FBXO16: variants seen among roughly 807,000 people sequenced by gnomAD.
The protein encoded by FBXO16 is F-box protein 16, also known as F-box only protein 16.
In FBXO16, 31 loss-of-function variants were observed where a neutral mutation model predicts 41.0. The ratio of observed to expected loss-of-function variants is 0.76; its 90% CI spans 0.57 to 1.02. FBXO16 has a LOEUF of 1.02. Among genes scored for constraint, FBXO16 ranks in the 50% least tolerant of loss-of-function variants. FBXO16 has a pLI of 0.00. For synonymous variants in FBXO16, 133 were observed against 117.8 expected (o/e 1.13, Z -0.84); for missense variants, 361 against 346.2 (o/e 1.04, Z -0.34).
chr8:28,435,576 C>A (rs939038545), intron 7 of FBXO16, among the ~76,000 whole-genome samples: 7 of 152,114 alleles, frequency 4.6e-5, no homozygotes, highest in Admixed American at 1.3e-4. Context: ...GTTTCTCTCT[C>A]CCCACGTGGC....
rs544119800 is a variant in FBXO16, at chr8:28,433,448, C to T, written c.844-4045G>A. 2.0e-5 allele frequency among the ~76,000 whole-genome samples: 3 copies of T among 152,302 alleles called. No homozygotes were observed. The East Asian group carries it at 5.8e-4, about 29-fold the overall frequency. On this transcript the variant is annotated intron_variant, in intron 7 of 8. Coordinates refer to ENST00000380254, the MANE Select transcript of FBXO16 (RefSeq NM_172366.4). The stretch of plus-strand genomic sequence containing the variant: ...TTCAGCCCTCTTCTGAACTCGTATA[C>T]TTGTGGTCCCATAGGTACCTCCAAC...
In FBXO16 at chr8:28,463,712, AT is replaced by A. The variant is rs771558711; in HGVS notation, c.241del (p.Ile81PhefsTer51). 1 of 1,614,186 alleles carries A rather than the reference AT, an allele frequency of 6.2e-7. No homozygotes were observed. The highest frequency in any genetic ancestry group is 1.1e-5 in the South Asian group (1 of 91,086). On this transcript the variant is annotated frameshift_variant, in exon 4 of 9. Transcript: ENST00000380254. LOFTEE classifies it high-confidence loss of function. ...TGTAAAGTCCAGGGCTTCTGCTGGA[AT>A]TTTCTCTTGAAGCTTTCGACAGCAG... is the stretch of plus-strand genomic sequence containing the variant. Reference protein sequence around the residue: ...KFCCRKLQEKIPAEALDFTTK... With the variant: ...KFCCRKLQEKXPAEALDFTTK...
At chr8:28,486,598 A>G (rs1413580581) in intron 1 of FBXO16, among the ~76,000 whole-genome samples, 1 of 151,902 alleles carries the variant, frequency 6.6e-6, no homozygotes, top group Non-Finnish European at 1.5e-5. Flanking sequence ...AAGCAGAAAG[A>G]CTGCTTGAGC....
At chr8:28,430,174 G>C (rs1802586048) in intron 7 of FBXO16, among the ~76,000 whole-genome samples, 1 of 152,182 alleles carries the variant, frequency 6.6e-6, no homozygotes, top group Non-Finnish European at 1.5e-5. Context: ...CTGGGTTCAA[G>C]CAATCCTCCC....
At chr8:28,484,695 C>T in intron 1 of FBXO16, among the ~76,000 whole-genome samples, 1 of 151,898 alleles carries the variant, frequency 6.6e-6, no homozygotes, top group East Asian at 1.9e-4. Flanking sequence ...GGGTTCACAC[C>T]ATTCTCCTGC....
Position 28,452,273 on chromosome 8 carries a change from G to T in FBXO16, c.711C>A (p.Asn237Lys). The T allele has an allele frequency of 1.9e-6, 3 of 1,614,186 alleles. No individual in the cohort carries two copies. The highest frequency in any genetic ancestry group is 2.5e-6 in the Non-Finnish European group (3 of 1,180,046). Residue 237 changes from asparagine to lysine, a missense_variant, in exon 6 of 9, where the codon AAC (asparagine) becomes AAA (lysine). By Grantham distance (94) the Asn-to-Lys change is moderately conservative. Transcript: ENST00000380254. ...TDIIRFNYLDNRDPMETVQQG... is the reference protein window; with the variant it reads ...TDIIRFNYLDKRDPMETVQQG... Reference sequence around the variant, plus strand: ...GCTGGACAGTCTCCATGGGGTCACGGTTGTCTAGGTAATTAAAACGAATGA... The same window carrying T: ...GCTGGACAGTCTCCATGGGGTCACGTTTGTCTAGGTAATTAAAACGAATGA...
At chr8:28,463,489 T>C (rs1040026769) in intron 4 of FBXO16, 123 bp downstream of exon 4, 1 of 905,368 alleles carries the variant, frequency 1.1e-6, no homozygotes, top group African/African-American at 1.7e-5. Context: ...TGTGTGTGTT[T>C]GTGTGTATGT....
chr8:28,466,281 C>T (rs894321951), intron 3 of FBXO16, among the ~76,000 whole-genome samples: 6 of 152,242 alleles, frequency 3.9e-5, no homozygotes, highest in Admixed American at 1.3e-4. Context: ...AGTAGAAATA[C>T]TTCCTAAATA....
Position 28,468,306 on chromosome 8 carries a change from A to G in FBXO16, c.136-4488T>C, listed in dbSNP as rs544505817. On this transcript the variant is annotated intron_variant, in intron 3 of 8. Transcript: ENST00000380254. ...ATATAACTATGCACATCCTATTTTT[A>G]GAGTAGTTGTTACAAGGATTCTTGC... 2.1e-4 allele frequency among the ~76,000 whole-genome samples: 32 copies of G among 152,254 alleles called. 1 individual carries two copies. The highest frequency in any genetic ancestry group is 7.5e-4 in the African/African-American group (31 of 41,544).
chr8:28,428,579 G>A lies in FBXO16; in HGVS notation c.*148C>T. On this transcript the variant is annotated 3_prime_UTR_variant, in exon 9 of 9. Coordinates refer to ENST00000380254, the MANE Select transcript of FBXO16 (RefSeq NM_172366.4). ...TCCATGTTCAGTCCACTTTGGCTCT[G>A]GAACCTGGATGAGTCATGCTTGGGG... 6.4e-7 allele frequency: 1 copy of A among 1,550,766 alleles called. No homozygotes were observed. The highest frequency in any genetic ancestry group is 8.7e-7 in the Non-Finnish European group (1 of 1,146,952).
At chr8:28,443,787 C>T (rs1802817714) in intron 7 of FBXO16, among the ~76,000 whole-genome samples, 1 of 152,130 alleles carries the variant, frequency 6.6e-6, no homozygotes, top group Non-Finnish European at 1.5e-5. Flanking sequence ...CCAAAACCCA[C>T]CAAAACCAAG....
In FBXO16 at chr8:28,483,374, G is replaced by A. The variant is rs759914645; in HGVS notation, c.73C>T (p.Leu25=). ...MQTKMSTWTP[L]NHQLLNDRVF... Reference sequence around the variant, plus strand: ...CGGTCATTCAATAGCTGATGGTTTAGGGGTGTCCAGGTGCTCATCTTTGTC... The same window carrying A: ...CGGTCATTCAATAGCTGATGGTTTAAGGGTGTCCAGGTGCTCATCTTTGTC... Residue 25 remains leucine, a synonymous_variant, in exon 2 of 9, where the codon CTA becomes TTA. Coordinates refer to ENST00000380254, the MANE Select transcript of FBXO16 (RefSeq NM_172366.4). 13 of 1,614,052 alleles carry A rather than the reference G, an allele frequency of 8.1e-6. No individual in the cohort carries two copies. The Admixed American group carries it at 1.0e-4, about 12-fold the overall frequency.
chr8:28,456,539 C>G (rs1237000610), intron 5 of FBXO16: 3 of 468,310 alleles, frequency 6.4e-6, no homozygotes, highest in Non-Finnish European at 1.1e-5. Context: ...ATGGTCCTAA[C>G]CGCCGGGATG....
chr8:28,489,132 G>A (rs1803647737), intron 1 of FBXO16, among the ~76,000 whole-genome samples: 1 of 152,150 alleles, frequency 6.6e-6, no homozygotes, highest in Non-Finnish European at 1.5e-5. Flanking sequence ...AGGAGTTCAA[G>A]ACCAGCCTGG....
chr8:28,437,655 T>C (rs1432275685), intron 7 of FBXO16, among the ~76,000 whole-genome samples: 1 of 152,178 alleles, frequency 6.6e-6, no homozygotes, highest in African/African-American at 2.4e-5. Flanking sequence ...GGAGGACTGC[T>C]TGAGGCCAGG....
At chr8:28,441,422 A>G (rs1802772284) in intron 7 of FBXO16, among the ~76,000 whole-genome samples, 1 of 152,168 alleles carries the variant, frequency 6.6e-6, no homozygotes, top group African/African-American at 2.4e-5. Flanking sequence ...CCTAAGAATT[A>G]CATGCATCTG....
chr8:28,485,197 GA>G (rs1157908038), intron 1 of FBXO16, among the ~76,000 whole-genome samples: 11 of 152,186 alleles, frequency 7.2e-5, no homozygotes, highest in Admixed American at 7.2e-4. Flanking sequence ...TTTTGAGAAG[GA>G]GTCTTGCCCT....
At chr8:28,434,801 C>T (rs545902370) in intron 7 of FBXO16, among the ~76,000 whole-genome samples, 17 of 152,340 alleles carry the variant, frequency 1.1e-4, no homozygotes, top group African/African-American at 3.8e-4. Context: ...GAGTGCGGGA[C>T]CCAGTCGGCC....
intron 7 of FBXO16, among the ~76,000 whole-genome samples, chr8:28,435,215 G>A (rs1281204712): frequency 6.7e-6 from 1 of 149,564 alleles, no homozygotes; most frequent in African/African-American, 2.5e-5. Flanking sequence ...TTGTTGCCCA[G>A]GCTGGAGTGC....
Sources: gnomAD v4.1 joint callset for allele counts (sites outside exome capture counted in the v4.1 genomes callset) on GRCh38, gnomAD v4.1.1 for gene constraint, MANE v1.5 for transcripts, NCBI Gene and HGNC (gene_info 2026-07-23, HGNC 2026-07-21) for gene names.